The following FHIP2B variants were observed in gnomAD, a reference collection of about 807,000 sequenced individuals.
The protein encoded by FHIP2B is FHF complex subunit HOOK-interacting protein 2B.
In FHIP2B, 72 loss-of-function variants were observed where a neutral mutation model predicts 84.0. The observed-to-expected ratio is 0.86, with a 90% CI of 0.71 to 1.04. The LOEUF (loss-of-function observed/expected upper bound fraction) is 1.04, where lower values mean the gene tolerates loss of function less well. Ranked by LOEUF, FHIP2B falls within the 50% of genes least tolerant of loss-of-function variation. FHIP2B has a pLI of 0.00. For missense variants in FHIP2B, 972 were observed against 968.9 expected (o/e 1.00, Z -0.04); for synonymous variants, 497 against 418.7 (o/e 1.19, Z -2.28).
chr8:22,097,779 C>G lies in FHIP2B; in HGVS notation c.465C>G (p.Phe155Leu), dbSNP rs1437354789. The G allele has an allele frequency of 6.2e-7, 1 of 1,613,490 alleles. No individual in the cohort carries two copies. Among genetic ancestry groups the G allele is most frequent in the East Asian group, 2.2e-5 (1 of 44,868 alleles). ...GSVTEKEEVQ[F>L]TTVLCSKIQQ... ...TTACAGAAAAGGAGGAGGTGCAGTTCACCACCGTCCTCTGCTCCAAGATCC... is the reference window on the plus strand; with the variant it reads ...TTACAGAAAAGGAGGAGGTGCAGTTGACCACCGTCCTCTGCTCCAAGATCC... Residue 155 changes from phenylalanine (F) to leucine (L), a missense_variant, in exon 5 of 17, where the codon TTC (phenylalanine) becomes TTG (leucine). Coordinates refer to ENST00000289921, the MANE Select transcript of FHIP2B (RefSeq NM_022749.7).
At chr8:22,089,700 C>A (rs1825368895) in intron 1 of FHIP2B, 2 of 1,156,212 alleles carry the variant, frequency 1.7e-6, no homozygotes, top group South Asian at 1.3e-5. Context: ...TCCGCTCCAC[C>A]CCACCGCCTC....
chr8:22,097,660 C>T lies in FHIP2B; in HGVS notation c.402+40C>T, dbSNP rs1281405562. Reference sequence around the variant, plus strand: ...AGCCAAGGGGTGTCTGGGTGTGAGGCCCCCTCTCTCCCCTGCCACCCCTCT... The same window carrying T: ...AGCCAAGGGGTGTCTGGGTGTGAGGTCCCCTCTCTCCCCTGCCACCCCTCT... On this transcript the variant is annotated intron_variant, in intron 4 of 16. Transcript: ENST00000289921. 1.9e-6 allele frequency: 3 copies of T among 1,603,562 alleles called. No homozygotes were observed. In the Admixed American group the frequency reaches 5.1e-5, roughly 27 times the overall value.
rs534004889 is a variant in FHIP2B at position 22,089,662 on chromosome 8, C to G, written c.45+364C>G. Reference sequence around the variant, plus strand: ...CCCCCGGGGCCCTAGGCCGCCTCCCCCCAGTCCCGGTGGGCCTGCCTCCTT... The same window carrying G: ...CCCCCGGGGCCCTAGGCCGCCTCCCGCCAGTCCCGGTGGGCCTGCCTCCTT... On this transcript the variant is annotated intron_variant, in intron 1 of 16. Transcript: ENST00000289921. 1.4e-4 allele frequency: 113 copies of G among 780,476 alleles called. 1 individual carries two copies. In the South Asian group the frequency reaches 1.7e-3, roughly 12 times the overall value. The allele number at this position is 780,476 out of a possible 1,614,324, so 48.3% of individuals were successfully genotyped here. A position where few individuals can be genotyped will look rare whatever the true frequency, so the allele number is the denominator to read the frequency against.
Position 22,093,708 on chromosome 8 carries a change from CTTTTTTTT to C in FHIP2B, c.46-713_46-706del, listed in dbSNP as rs59841460. ...ATTGAGAGGAATGGAAAAGCTTTGT[CTTTTTTTT>C]TTTTTTTTTTTTTTTTTTGAGATAG... is the stretch of plus-strand genomic sequence containing the variant. On this transcript the variant is annotated intron_variant, in intron 1 of 16. Coordinates refer to ENST00000289921, the MANE Select transcript of FHIP2B (RefSeq NM_022749.7). Among the ~76,000 whole-genome samples, 322 of 66,460 alleles carry C rather than the reference CTTTTTTTT, an allele frequency of 4.8e-3. 6 individuals carry two copies. The highest frequency in any genetic ancestry group is 0.015 in the African/African-American group (243 of 15,824). The allele number at this position is 66,460 out of a possible 152,430, so 43.6% of individuals were successfully genotyped here. A position where few individuals can be genotyped will look rare whatever the true frequency, so the allele number is the denominator to read the frequency against.
At chr8:22,097,957 T>C (rs1825872024) in intron 5 of FHIP2B, 111 bp from the exon 6 acceptor site, 2 of 1,541,772 alleles carry the variant, frequency 1.3e-6, no homozygotes, top group Admixed American at 1.9e-5. Context: ...GCAGGCAGCT[T>C]CCCCTCCAGC....
At chr8:22,097,860 C>A in intron 5 of FHIP2B, 21 bp downstream of exon 5, 1 of 1,609,864 alleles carries the variant, frequency 6.2e-7, no homozygotes, top group Non-Finnish European at 8.5e-7. Context: ...TGATCGGGAA[C>A]AGGAGGGGGA....
chr8:22,095,713 C>A (rs1225708544), intron 2 of FHIP2B: 1 of 152,254 alleles, frequency 6.6e-6, no homozygotes, highest in African/African-American at 2.4e-5. Flanking sequence ...TGCTCCAAGT[C>A]TAGCCCTGAA....
At position 22,094,498 on chromosome 8, in the gene FHIP2B, A is replaced by C; in HGVS notation, c.104A>C (p.His35Pro). The change falls in exon 2 of 17, where the codon CAC becomes CCC. Residue 35 changes from histidine (H) to proline (P), a missense_variant. By Grantham distance (77) the His-to-Pro change is moderately conservative. Transcript: ENST00000289921. ...AFVEHWKGIT[H>P]YYIESTDEST... Reference sequence around the variant, plus strand: ...GTGGAGCACTGGAAGGGCATCACGCACTACTACATCGAGAGCACAGGTGCG... The same window carrying C: ...GTGGAGCACTGGAAGGGCATCACGCCCTACTACATCGAGAGCACAGGTGCG... 3.1e-6 allele frequency: 5 copies of C among 1,611,542 alleles called. No homozygotes were observed. The highest frequency in any genetic ancestry group is 4.2e-6 in the Non-Finnish European group (5 of 1,178,962).
Position 22,102,925 on chromosome 8 carries a change from G to T in FHIP2B, c.2226G>T (p.Gln742His), listed in dbSNP as rs766954010. 11 of 1,613,334 alleles carry T rather than the reference G, an allele frequency of 6.8e-6. No individual in the cohort carries two copies. Among genetic ancestry groups the T allele is most frequent in the East Asian group, 6.7e-5 (3 of 44,880 alleles). The change falls in exon 17 of 17, where the codon CAG becomes CAT. Residue 742 changes from glutamine (Q) to histidine (H), a missense_variant. Transcript: ENST00000289921. The part of the protein sequence containing the change: ...RQNVSPAPEG[Q>H]V ...ACGTCTCCCCAGCCCCGGAAGGGCA[G>T]GTCTGAGCCAGCACCAGGGCGGTGG...
At chr8:22,094,602 TGGGAAAGG>T in intron 2 of FHIP2B, 84 bp downstream of exon 2, 1 of 1,587,244 alleles carries the variant, frequency 6.3e-7, no homozygotes, top group African/African-American at 1.4e-5. Context: ...TCAGGTGTCC[TGGGAAAGG>T]TAACCTGCCC....
chr8:22,090,340 T>G (rs1668625622), intron 1 of FHIP2B, among the ~76,000 whole-genome samples: 1 of 152,160 alleles, frequency 6.6e-6, no homozygotes, highest in Non-Finnish European at 1.5e-5. Context: ...TCATGGGAGC[T>G]CCTGTTGAAA....
At chr8:22,089,505 C>T (rs1825351892) in intron 1 of FHIP2B, among the ~76,000 whole-genome samples, 2 of 151,846 alleles carry the variant, frequency 1.3e-5, no homozygotes, top group African/African-American at 2.4e-5. Flanking sequence ...CCAGACTCCT[C>T]CCGACCGCCC....
intron 1 of FHIP2B, among the ~76,000 whole-genome samples, chr8:22,092,463 C>T (rs968512873): frequency 2.0e-5 from 3 of 152,094 alleles, no homozygotes; most frequent in Non-Finnish European, 4.4e-5. Context: ...GTCTGTAATC[C>T]CAGCAACTTG....
intron 1 of FHIP2B, among the ~76,000 whole-genome samples, chr8:22,091,995 A>ATTGCT (rs1162547235): frequency 6.6e-6 from 1 of 152,190 alleles, no homozygotes; most frequent in Non-Finnish European, 1.5e-5. Context: ...AGAAGAGATG[A>ATTGCT]TTGCTCAGCA....
In FHIP2B at chr8:22,089,176, G is replaced by T; in HGVS notation, c.-78G>T. On this transcript the variant is annotated 5_prime_UTR_variant, in exon 1 of 17. Coordinates refer to ENST00000289921, the MANE Select transcript of FHIP2B (RefSeq NM_022749.7). Reference sequence around the variant, plus strand: ...CCCCCCTCGTCGCGCCGGGGCCGCCGGGGCCACGGGGCTGCCTCCTCCGCC... The same window carrying T: ...CCCCCCTCGTCGCGCCGGGGCCGCCTGGGCCACGGGGCTGCCTCCTCCGCC... The T allele has an allele frequency of 1.1e-6, 1 of 943,428 alleles. No individual in the cohort carries two copies. The highest frequency in any genetic ancestry group is 1.3e-6 in the Non-Finnish European group (1 of 777,254). 58.4% of individuals were successfully genotyped at this position (943,428 alleles called of 1,614,324 possible). A position where few individuals can be genotyped will look rare whatever the true frequency, so the allele number is the denominator to read the frequency against.
chr8:22,101,971 C>T (rs1242892214), intron 14 of FHIP2B, 120 bp downstream of exon 14: 1 of 1,503,782 alleles, frequency 6.6e-7, no homozygotes, highest in African/African-American at 1.4e-5. Flanking sequence ...CTGTCCTTTC[C>T]CCAGGTGGGA....
At chr8:22,089,939 C>T in intron 1 of FHIP2B, 2 of 910,784 alleles carry the variant, frequency 2.2e-6, no homozygotes, top group South Asian at 3.1e-5. Flanking sequence ...TGGCTGTGAC[C>T]CCTCACAAGC....
At chr8:22,098,779 C>G (rs1825938867) in intron 7 of FHIP2B, among the ~76,000 whole-genome samples, 160 bp downstream of exon 7, 1 of 152,196 alleles carries the variant, frequency 6.6e-6, no homozygotes, top group Non-Finnish European at 1.5e-5. Flanking sequence ...TTCTTGCCCT[C>G]CAGGGAAGTA....
At chr8:22,102,411 G>GGGGC in intron 15 of FHIP2B, 96 bp downstream of exon 15, 34 of 586,920 alleles carry the variant, frequency 5.8e-5, no homozygotes, top group Non-Finnish European at 1.0e-4. Context: ...GGAGGGGTGG[G>GGGGC]CACCCTTGCC....
Sources: allele counts gnomAD v4.1 joint callset (sites outside exome capture counted in the v4.1 genomes callset), GRCh38; gene constraint gnomAD v4.1.1; transcripts MANE v1.5; gene names NCBI Gene and HGNC (gene_info 2026-07-23, HGNC 2026-07-21).